The following IRF2 variants were observed in gnomAD, a reference collection of about 807,000 sequenced individuals.
IRF2 encodes the protein interferon regulatory factor 2.
Under a neutral mutation model 40.6 loss-of-function variants are expected in IRF2, and 15 were observed. That is an observed-to-expected ratio of 0.37 (90% CI 0.25 to 0.57). IRF2 has a LOEUF of 0.57. Among genes scored for constraint, IRF2 ranks in the 20% least tolerant of loss-of-function variants. The pLI, the probability that IRF2 is intolerant of heterozygous loss-of-function variation, is 0.77. For missense variants in IRF2, 317 were observed against 455.7 expected, an observed-to-expected ratio of 0.70 and a Z score of 2.77; for synonymous variants, 151 against 165.5, an observed-to-expected ratio of 0.91 and a Z score of 0.67.
intron 6 of IRF2, among the ~76,000 whole-genome samples, chr4:184,402,454 A>C (rs1736700843): frequency 6.6e-6 from 1 of 152,140 alleles, no homozygotes; most frequent in Non-Finnish European, 1.5e-5. Flanking sequence ...TTCTGACCTC[A>C]AGTTGCTGGT....
intron 1 of IRF2, among the ~76,000 whole-genome samples, chr4:184,462,926 T>TATCTAGGTC (rs1307408977): frequency 6.6e-6 from 1 of 152,234 alleles, no homozygotes; most frequent in East Asian, 1.9e-4. Flanking sequence ...AACTAATATT[T>TATCTAGGTC]ATCTAGGTCT....
chr4:184,455,679 C>T (rs1283147046), intron 1 of IRF2, among the ~76,000 whole-genome samples: 1 of 152,068 alleles, frequency 6.6e-6, no homozygotes, highest in Non-Finnish European at 1.5e-5. Context: ...ATGATATTAA[C>T]TATACGTTGT....
chr4:184,428,861 T>C (rs1230437571), intron 2 of IRF2, 117 bp downstream of exon 2: 3 of 860,718 alleles, frequency 3.5e-6, no homozygotes, highest in South Asian at 2.7e-5. Context: ...GGTTGGCTGG[T>C]TTTTGTCATG....
At chr4:184,458,315 G>A (rs1325894127) in intron 1 of IRF2, among the ~76,000 whole-genome samples, 1 of 152,192 alleles carries the variant, frequency 6.6e-6, no homozygotes, top group Non-Finnish European at 1.5e-5. Context: ...TCATGACCAG[G>A]AATGGTTATT....
chr4:184,460,172 A>G (rs1021476613), intron 1 of IRF2, among the ~76,000 whole-genome samples: 2 of 152,264 alleles, frequency 1.3e-5, no homozygotes, highest in African/African-American at 4.8e-5. Flanking sequence ...GCTCTGATGC[A>G]TGCTACAACA....
chr4:184,419,571 G>GAAAAAAAAAAA lies in IRF2; in HGVS notation c.88-14_88-4dup. 2 of 911,522 alleles carry GAAAAAAAAAAA rather than the reference G, an allele frequency of 2.2e-6. No homozygotes were observed. Among genetic ancestry groups the GAAAAAAAAAAA allele is most frequent in the Non-Finnish European group, 3.2e-6 (2 of 619,696 alleles). 56.5% of individuals were successfully genotyped at this position (911,522 alleles called of 1,614,324 possible). A position where few individuals can be genotyped will look rare whatever the true frequency, so the allele number is the denominator to read the frequency against. ...GGGATCTGAAAAATCTTCTTTTCCT[G>GAAAAAAAAAAA]AAAAAAAAAAAAAAAAAAAAGGTAA... On this transcript the variant is annotated splice_polypyrimidine_tract_variant and splice_region_variant and intron_variant, in intron 2 of 8. Coordinates refer to ENST00000393593, the MANE Select transcript of IRF2 (RefSeq NM_002199.4).
intron 1 of IRF2, among the ~76,000 whole-genome samples, chr4:184,433,536 A>G (rs918689331): frequency 2.6e-5 from 4 of 152,228 alleles, no homozygotes; most frequent in Admixed American, 6.5e-5. Context: ...ACAATCTTCA[A>G]TCAGGACTGT....
Position 184,387,941 on chromosome 4 carries a change from T to C in IRF2, c.*817A>G, listed in dbSNP as rs1034821048. 3.3e-5 allele frequency: 5 copies of C among 152,642 alleles called. No individual in the cohort carries two copies. The highest frequency in any genetic ancestry group is 1.2e-4 in the African/African-American group (5 of 41,452). The allele number at this position is 152,642 out of a possible 1,614,324, so 9.5% of individuals were successfully genotyped here. ...AACAATTATATTTTATTTAGAATTT[T>C]ACCTTGAATAAAATATTCCCCTGTA... On this transcript the variant is annotated 3_prime_UTR_variant, in exon 9 of 9. Coordinates refer to ENST00000393593, the MANE Select transcript of IRF2 (RefSeq NM_002199.4).
intron 1 of IRF2, among the ~76,000 whole-genome samples, chr4:184,466,931 G>A (rs542875162): frequency 6.6e-6 from 1 of 152,196 alleles, no homozygotes; most frequent in African/African-American, 2.4e-5. Flanking sequence ...CATAGCAAAA[G>A]GTAAAAGTAT....
chr4:184,460,681 G>A (rs374928096), intron 1 of IRF2, among the ~76,000 whole-genome samples: 1 of 149,990 alleles, frequency 6.7e-6, no homozygotes, highest in Non-Finnish European at 1.5e-5. Flanking sequence ...ACACACACAT[G>A]CACGCACACA....
At position 184,413,449 on chromosome 4, in the gene IRF2, C is replaced by T. The variant is rs975064521; in HGVS notation, c.411+4718G>A. On this transcript the variant is annotated intron_variant, in intron 5 of 8. Coordinates refer to ENST00000393593, the MANE Select transcript of IRF2 (RefSeq NM_002199.4). This position sits in a 1 kb window ranked among gnomAD's most constrained non-coding sequence, Gnocchi z 4.2. Reference sequence around the variant, plus strand: ...TTTTCAAGTGAGTTGCTGGTGTGTGCTTTCATTTGATTAAAGTTTAAAAAC... The same window carrying T: ...TTTTCAAGTGAGTTGCTGGTGTGTGTTTTCATTTGATTAAAGTTTAAAAAC... Among the ~76,000 whole-genome samples the T allele has an allele frequency of 6.6e-6, 1 of 152,300 alleles. No individual in the cohort carries two copies. Among genetic ancestry groups the T allele is most frequent in the Admixed American group, 6.5e-5 (1 of 15,304 alleles).
chr4:184,456,068 G>T (rs11721999), intron 1 of IRF2, among the ~76,000 whole-genome samples: 1 of 152,032 alleles, frequency 6.6e-6, no homozygotes, highest in South Asian at 2.1e-4. Flanking sequence ...AGAGCACACC[G>T]GAGTGGGTGC....
At chr4:184,396,160 C>T (rs762485117) in intron 7 of IRF2, among the ~76,000 whole-genome samples, 3 of 152,220 alleles carry the variant, frequency 2.0e-5, no homozygotes, top group Admixed American at 6.5e-5. Flanking sequence ...GAGTGTTTCA[C>T]GCTTCGGTTA....
At chr4:184,444,434 G>A (rs1360615799) in intron 1 of IRF2, among the ~76,000 whole-genome samples, 3 of 152,274 alleles carry the variant, frequency 2.0e-5, no homozygotes, top group Non-Finnish European at 4.4e-5. Context: ...TTTCTCCTCT[G>A]TAAAATGGGA....
rs2149896535 is a variant in IRF2 at position 184,408,382 on chromosome 4, T to A, written c.412-107A>T. On this transcript the variant is annotated intron_variant, in intron 5 of 8. Coordinates refer to ENST00000393593, the MANE Select transcript of IRF2 (RefSeq NM_002199.4). This position sits in a 1 kb window ranked among gnomAD's most constrained non-coding sequence, Gnocchi z 4.9. Reference sequence around the variant, plus strand: ...CTTTCTTTAATGCTAGGGTCATTCATGTTCAGCTGCCGAATACATTCATCC... The same window carrying A: ...CTTTCTTTAATGCTAGGGTCATTCAAGTTCAGCTGCCGAATACATTCATCC... 1 of 738,530 alleles carries A rather than the reference T, an allele frequency of 1.4e-6. No individual in the cohort carries two copies. Among genetic ancestry groups the A allele is most frequent in the East Asian group, 2.5e-5 (1 of 40,478 alleles). 45.7% of individuals were successfully genotyped at this position (738,530 alleles called of 1,614,324 possible).
chr4:184,438,838 C>G (rs1434523276), intron 1 of IRF2, among the ~76,000 whole-genome samples: 1 of 152,146 alleles, frequency 6.6e-6, no homozygotes, highest in Non-Finnish European at 1.5e-5. Context: ...GATAACAGGA[C>G]CCCCTATATG....
intron 1 of IRF2, among the ~76,000 whole-genome samples, chr4:184,470,788 A>C (rs912143268): frequency 6.6e-6 from 1 of 152,182 alleles, no homozygotes; most frequent in Non-Finnish European, 1.5e-5. Flanking sequence ...AGAAGTTGAC[A>C]CGAGAGTGAA....
chr4:184,447,048 C>A (rs1738537992), intron 1 of IRF2, among the ~76,000 whole-genome samples: 1 of 152,188 alleles, frequency 6.6e-6, no homozygotes, highest in Non-Finnish European at 1.5e-5. Flanking sequence ...CTGGGAACAG[C>A]AAGACCCCAA....
chr4:184,407,803 G>A (rs1039385492), intron 6 of IRF2, among the ~76,000 whole-genome samples: 23 of 152,280 alleles, frequency 1.5e-4, no homozygotes, highest in African/African-American at 3.6e-4. Context: ...GAGAGGACTC[G>A]CGAGGACCAT....
Sources: gnomAD v4.1 joint callset for allele counts (sites outside exome capture counted in the v4.1 genomes callset) on GRCh38, gnomAD v4.1.1 for gene constraint, Gnocchi (gnomAD v3.1) non-coding constraint, MANE v1.5 for transcripts, NCBI Gene and HGNC (gene_info 2026-07-23, HGNC 2026-07-21) for gene names.